PTPRD: variants seen among roughly 807,000 people sequenced by gnomAD.
PTPRD encodes protein tyrosine phosphatase receptor type D, also known as receptor-type tyrosine-protein phosphatase delta.
Under a neutral mutation model 214.5 loss-of-function variants are expected in PTPRD, and 34 were observed. The ratio of observed to expected loss-of-function variants is 0.16; its 90% CI spans 0.12 to 0.21. The LOEUF is 0.21. PTPRD is among the 10% of genes least tolerant of loss of function. PTPRD has a pLI of 1.00. For missense variants in PTPRD, 2,545 were observed against 2,398.7 expected, an observed-to-expected ratio of 1.06 and a Z score of -1.27; for synonymous variants, 1,128 against 845.7, an observed-to-expected ratio of 1.33 and a Z score of -5.79.
intron 3 of PTPRD, among the ~76,000 whole-genome samples, chr9:10,137,602 G>GA (rs1441233772): frequency 1.1e-5 from 1 of 87,220 alleles, no homozygotes; most frequent in Non-Finnish European, 2.1e-5. Flanking sequence ...CCTAATGCTA[G>GA]ATGACACATT....
At chr9:9,947,952 T>G (rs971916135) in intron 4 of PTPRD, among the ~76,000 whole-genome samples, 1 of 151,760 alleles carries the variant, frequency 6.6e-6, no homozygotes, top group Non-Finnish European at 1.5e-5. Context: ...TGTCTAGAAG[T>G]TATCTACGAG....
chr9:10,125,139 A>T (rs1270367042), intron 3 of PTPRD, among the ~76,000 whole-genome samples: 2 of 152,142 alleles, frequency 1.3e-5, no homozygotes, highest in Non-Finnish European at 2.9e-5. Context: ...GGCAGAATTG[A>T]TTTGAATAAA....
chr9:8,735,014 G>A (rs1163973345), intron 11 of PTPRD, among the ~76,000 whole-genome samples: 1 of 152,100 alleles, frequency 6.6e-6, no homozygotes, highest in East Asian at 1.9e-4. Flanking sequence ...GCCTCCCAAA[G>A]GTCAGCATGC....
chr9:10,384,540 C>T (rs529391084), intron 2 of PTPRD, among the ~76,000 whole-genome samples: 1 of 151,690 alleles, frequency 6.6e-6, no homozygotes, highest in East Asian at 2.0e-4. Context: ...CTTTACATGT[C>T]TGTGAAATTA....
chr9:8,808,252 TG>T (rs1404291675), intron 11 of PTPRD, among the ~76,000 whole-genome samples: 1 of 152,164 alleles, frequency 6.6e-6, no homozygotes, highest in Non-Finnish European at 1.5e-5. Context: ...GGGAATGGTG[TG>T]AGAGGTGAAC....
At chr9:9,038,561 T>G (rs201431646) in intron 10 of PTPRD, among the ~76,000 whole-genome samples, 43,230 of 149,028 alleles carry the variant, frequency 0.29, 7,095 homozygotes, top group Non-Finnish European at 0.37. Context: ...CGGTTTTTTT[T>G]TTTTTTTTTT....
intron 4 of PTPRD, among the ~76,000 whole-genome samples, chr9:10,014,578 C>T (rs1016292403): frequency 6.6e-6 from 1 of 151,984 alleles, no homozygotes; most frequent in Non-Finnish European, 1.5e-5. Flanking sequence ...ATGTCATTAA[C>T]ACTTTCAGTA....
chr9:10,142,084 A>C (rs1005855151), intron 3 of PTPRD, among the ~76,000 whole-genome samples: 27 of 152,204 alleles, frequency 1.8e-4, no homozygotes, highest in Non-Finnish European at 2.5e-4. Flanking sequence ...TAGAAAGCTG[A>C]AACTGGATCC....
intron 3 of PTPRD, among the ~76,000 whole-genome samples, chr9:10,303,928 C>T (rs1049851194): frequency 6.6e-6 from 1 of 152,088 alleles, no homozygotes; most frequent in Non-Finnish European, 1.5e-5. Flanking sequence ...CCAGCATCAT[C>T]CTGATGCTGA....
intron 8 of PTPRD, among the ~76,000 whole-genome samples, chr9:9,407,201 T>C (rs997069946): frequency 2.6e-5 from 4 of 151,764 alleles, no homozygotes; most frequent in African/African-American, 9.7e-5. Flanking sequence ...ATGTCTGTTT[T>C]TGGTGTCTGG....
At chr9:9,160,673 C>T (rs535831686) in intron 10 of PTPRD, among the ~76,000 whole-genome samples, 112 of 152,292 alleles carry the variant, frequency 7.4e-4, no homozygotes, top group Non-Finnish European at 1.1e-3. Flanking sequence ...AGCAAACCCA[C>T]TTCTGGATAT....
chr9:9,961,800 A>G (rs939106949), intron 4 of PTPRD, among the ~76,000 whole-genome samples: 2 of 152,128 alleles, frequency 1.3e-5, no homozygotes, highest in African/African-American at 2.4e-5. Flanking sequence ...AATAAAATCT[A>G]GAAGTCACAG....
At chr9:8,337,257 A>T (rs1053993636) in intron 43 of PTPRD, among the ~76,000 whole-genome samples, 1 of 152,236 alleles carries the variant, frequency 6.6e-6, no homozygotes, top group South Asian at 2.1e-4. Flanking sequence ...ACTATGGAAT[A>T]TTATGGTGAG....
At chr9:8,636,103 T>C (rs1413267379) in intron 13 of PTPRD, among the ~76,000 whole-genome samples, 1 of 152,164 alleles carries the variant, frequency 6.6e-6, no homozygotes, top group African/African-American at 2.4e-5. Flanking sequence ...ACACTACTTG[T>C]AAAACACAGG....
intron 14 of PTPRD, among the ~76,000 whole-genome samples, chr9:8,603,262 A>C (rs928499082): frequency 6.7e-5 from 5 of 75,020 alleles, no homozygotes; most frequent in African/African-American, 1.3e-4. Context: ...GGGAACTACA[A>C]GGCAATTATT....
chr9:10,275,270 A>G (rs2094614719), intron 3 of PTPRD, among the ~76,000 whole-genome samples: 1 of 152,132 alleles, frequency 6.6e-6, no homozygotes, highest in Non-Finnish European at 1.5e-5. Flanking sequence ...AGTAAAGGAA[A>G]CTTGTTCTTT....
intron 11 of PTPRD, among the ~76,000 whole-genome samples, chr9:8,827,071 C>A (rs971010212): frequency 2.6e-5 from 4 of 152,050 alleles, no homozygotes; most frequent in Admixed American, 2.6e-4. Flanking sequence ...ACTACACACA[C>A]CCTCATGGTT....
chr9:8,447,124 G>GC (rs2095761588), intron 34 of PTPRD, among the ~76,000 whole-genome samples: 1 of 152,154 alleles, frequency 6.6e-6, no homozygotes, highest in African/African-American at 2.4e-5. Flanking sequence ...GAGCTAAAGG[G>GC]CATAATGTAC....
intron 10 of PTPRD, among the ~76,000 whole-genome samples, chr9:9,037,194 G>T (rs537661589): frequency 2.6e-5 from 4 of 152,106 alleles, no homozygotes; most frequent in Non-Finnish European, 5.9e-5. Flanking sequence ...TCCAGAATGT[G>T]GGAGTTGGAA....
Sources: gnomAD v4.1 joint callset for allele counts (sites outside exome capture counted in the v4.1 genomes callset) on GRCh38, gnomAD v4.1.1 for gene constraint, MANE v1.5 for transcripts, NCBI Gene and HGNC (gene_info 2026-07-23, HGNC 2026-07-21) for gene names.